The following UGGT2 variants were observed in gnomAD, a reference collection of about 807,000 sequenced individuals.
UGGT2 encodes UDP-glucose:glycoprotein glucosyltransferase 2.
Under a neutral mutation model 192.1 loss-of-function variants are expected in UGGT2, and 180 were observed. That is an observed-to-expected ratio of 0.94 (90% confidence interval 0.83 to 1.06). The LOEUF is 1.06. Among genes scored for constraint, UGGT2 ranks in the 50% least tolerant of loss-of-function variants. The probability of loss-of-function intolerance (pLI) is 0.00; values close to 1 mark genes in which losing one functional copy is unlikely to be tolerated. For synonymous variants in UGGT2, 580 were observed against 591.0 expected (o/e 0.98, Z 0.27); for missense variants, 1,849 against 1,795.7 (o/e 1.03, Z -0.54).
intron 8 of UGGT2, 59 bp downstream of exon 8, chr13:95,989,914 A>G: frequency 9.0e-7 from 1 of 1,115,844 alleles, no homozygotes; most frequent in Non-Finnish European, 1.3e-6. Context: ...ATAAAAGCTT[A>G]TTTAACAAAA....
At position 95,813,679 on chromosome 13, in the gene UGGT2, C is replaced by A. The variant is rs1884683613; in HGVS notation, c.4529-11867G>T. 3.9e-5 allele frequency among the ~76,000 whole-genome samples: 6 copies of A among 152,148 alleles called. No homozygotes were observed. The South Asian group carries it at 1.2e-3, about 32-fold the overall frequency. ...CCACTTGCTAGAGATATTCGCATAA[C>A]CAAAAGTGAGCCAAGAGCTAACATC... On this transcript the variant is annotated intron_variant, in intron 38 of 38. Transcript: ENST00000376747.
chr13:96,006,157 T>C (rs2051966927), intron 5 of UGGT2, among the ~76,000 whole-genome samples: 1 of 152,180 alleles, frequency 6.6e-6, no homozygotes, highest in Non-Finnish European at 1.5e-5. Context: ...ATGATTAACA[T>C]GTTAAATGCT....
intron 17 of UGGT2, among the ~76,000 whole-genome samples, chr13:95,932,259 C>T (rs2049306763): frequency 6.6e-6 from 1 of 150,612 alleles, no homozygotes; most frequent in Non-Finnish European, 1.5e-5. Flanking sequence ...TAGTAATTAT[C>T]CTTGTAGAGA....
intron 7 of UGGT2, chr13:95,995,835 TTTAA>T (rs780150094): frequency 6.0e-6 from 3 of 496,764 alleles, no homozygotes; most frequent in Non-Finnish European, 1.1e-5. Flanking sequence ...GAGTTATCTC[TTTAA>T]TTGTGAAATT....
intron 2 of UGGT2, among the ~76,000 whole-genome samples, chr13:96,027,920 A>T (rs2052717016): frequency 6.6e-6 from 1 of 152,218 alleles, no homozygotes; most frequent in African/African-American, 2.4e-5. Context: ...GCAATCACTT[A>T]CAACTTAATA....
chr13:95,851,846 G>A (rs1889085028), intron 36 of UGGT2, among the ~76,000 whole-genome samples: 1 of 152,036 alleles, frequency 6.6e-6, no homozygotes, highest in Non-Finnish European at 1.5e-5. Context: ...TTGTCCATAG[G>A]CAGATAACAG....
At chr13:95,983,727 T>C (rs2051200987) in intron 10 of UGGT2, 77 bp downstream of exon 10, 1 of 1,093,062 alleles carries the variant, frequency 9.1e-7, no homozygotes, top group Non-Finnish European at 1.3e-6. Flanking sequence ...TCCTTTTTTG[T>C]ATGAATATTG....
At position 95,886,257 on chromosome 13, in the gene UGGT2, A is replaced by T. The variant is rs1221870130; in HGVS notation, c.3039-1577T>A. On this transcript the variant is annotated intron_variant, in intron 26 of 38. Coordinates refer to ENST00000376747, the MANE Select transcript of UGGT2 (RefSeq NM_020121.4). The stretch of plus-strand genomic sequence containing the variant: ...ACCTGTCTCATCTCTGAGAAGAATA[A>T]ATTTACTAAAAGGAAAGGGCTGGGA... Among the ~76,000 whole-genome samples, 9 of 152,286 alleles carry T rather than the reference A, an allele frequency of 5.9e-5. No individual in the cohort carries two copies. The East Asian group carries it at 1.3e-3, about 23-fold the overall frequency.
At chr13:96,008,646 A>G (rs1043346680) in intron 5 of UGGT2, among the ~76,000 whole-genome samples, 1 of 152,198 alleles carries the variant, frequency 6.6e-6, no homozygotes, top group Non-Finnish European at 1.5e-5. Context: ...ATAAAAATAA[A>G]ATACTAATGA....
chr13:95,818,137 G>A (rs1012584381), intron 38 of UGGT2, among the ~76,000 whole-genome samples: 1 of 152,000 alleles, frequency 6.6e-6, no homozygotes, highest in African/African-American at 2.4e-5. Flanking sequence ...GTGAGCCCTC[G>A]TCTCTACTGA....
intron 15 of UGGT2, among the ~76,000 whole-genome samples, chr13:95,942,482 G>A (rs553824513): frequency 1.6e-4 from 25 of 151,972 alleles, no homozygotes; most frequent in African/African-American, 4.8e-4. Flanking sequence ...TCTTGTGGTC[G>A]TAGTCTTTAT....
At chr13:95,836,195 T>C (rs1887268761) in intron 37 of UGGT2, among the ~76,000 whole-genome samples, 2 of 152,100 alleles carry the variant, frequency 1.3e-5, no homozygotes, top group Non-Finnish European at 2.9e-5. Context: ...ACTACAGGCA[T>C]GTGCCACCAC....
At chr13:96,009,803 T>A (rs1471616225) in intron 5 of UGGT2, among the ~76,000 whole-genome samples, 1 of 149,242 alleles carries the variant, frequency 6.7e-6, no homozygotes, top group Non-Finnish European at 1.5e-5. Flanking sequence ...CAAGACTCTG[T>A]CTAAAATAAA....
chr13:95,949,463 G>A lies in UGGT2; in HGVS notation c.1336-9C>T. The A allele has an allele frequency of 6.9e-7, 1 of 1,454,804 alleles. No individual in the cohort carries two copies. The highest frequency in any genetic ancestry group is 9.1e-7 in the Non-Finnish European group (1 of 1,094,200). 90.1% of individuals were successfully genotyped at this position (1,454,804 alleles called of 1,614,324 possible). ...TCTAAGTCATTAATCCACTAGAAAAGAACGCAGACACTTGTGAAAGCTATA... is the reference window on the plus strand; with the variant it reads ...TCTAAGTCATTAATCCACTAGAAAAAAACGCAGACACTTGTGAAAGCTATA... On this transcript the variant is annotated splice_polypyrimidine_tract_variant and intron_variant, in intron 12 of 38. Coordinates refer to ENST00000376747, the MANE Select transcript of UGGT2 (RefSeq NM_020121.4).
intron 20 of UGGT2, among the ~76,000 whole-genome samples, chr13:95,921,413 G>A (rs963980716): frequency 6.6e-6 from 1 of 151,814 alleles, no homozygotes; most frequent in Non-Finnish European, 1.5e-5. Flanking sequence ...CCAGATAGTG[G>A]ATAGGAAGCA....
At chr13:95,903,720 G>A (rs2048182097) in intron 20 of UGGT2, among the ~76,000 whole-genome samples, 1 of 152,024 alleles carries the variant, frequency 6.6e-6, no homozygotes. Context: ...TTCTACTGTT[G>A]CTGGACATCT....
At chr13:96,030,291 G>A (rs1345589833) in intron 2 of UGGT2, among the ~76,000 whole-genome samples, 5 of 152,050 alleles carry the variant, frequency 3.3e-5, no homozygotes, top group Admixed American at 1.3e-4. Context: ...AGCTCTTATC[G>A]CCTAATAGTG....
At chr13:95,844,837 A>G (rs1409626139) in intron 36 of UGGT2, among the ~76,000 whole-genome samples, 1 of 152,144 alleles carries the variant, frequency 6.6e-6, no homozygotes, top group Non-Finnish European at 1.5e-5. Flanking sequence ...TGAATAGGAA[A>G]GGTAAGAGTG....
At chr13:95,989,644 C>A in intron 8 of UGGT2, 1 of 327,152 alleles carries the variant, frequency 3.1e-6, no homozygotes, top group Non-Finnish European at 6.4e-6. Context: ...TCATTTTCTC[C>A]TTACCTAGGA....
Sources: allele counts gnomAD v4.1 joint callset (sites outside exome capture counted in the v4.1 genomes callset), GRCh38; gene constraint gnomAD v4.1.1; transcripts MANE v1.5; gene names NCBI Gene and HGNC (gene_info 2026-07-23, HGNC 2026-07-21).